DIS3L2: variants seen among roughly 807,000 people sequenced by gnomAD.
DIS3L2 encodes DIS3-like exonuclease 2.
A neutral mutation model predicts 97.5 loss-of-function variants in DIS3L2; 34 were observed. The observed-to-expected ratio is 0.35, with a 90% CI of 0.27 to 0.46. The LOEUF (loss-of-function observed/expected upper bound fraction) is 0.46. DIS3L2 is among the 20% of genes least tolerant of loss of function. DIS3L2 has a pLI of 1.00. For missense variants in DIS3L2, 1,038 were observed against 1,146.0 expected (o/e 0.91, Z 1.36); for synonymous variants, 435 against 445.2 (o/e 0.98, Z 0.29).
rs1267339964 is a variant in DIS3L2, at chr2:232,323,644, AT to A, written c.1740-6167del. 2.6e-5 allele frequency among the ~76,000 whole-genome samples: 4 copies of A among 152,050 alleles called. No individual in the cohort carries two copies. In the East Asian group the frequency reaches 7.7e-4, roughly 29 times the overall value. On this transcript the variant is annotated intron_variant, in intron 14 of 20. Transcript: ENST00000325385. Reference sequence around the variant, plus strand: ...TTTCCATGCCTGTGAACTGGGCCCCATTCATTTCTCTGTGGTTTCATGGGAA... The same window carrying A: ...TTTCCATGCCTGTGAACTGGGCCCCATCATTTCTCTGTGGTTTCATGGGAA...
At chr2:232,270,527 G>A (rs1046910854) in intron 13 of DIS3L2, among the ~76,000 whole-genome samples, 2 of 151,922 alleles carry the variant, frequency 1.3e-5, no homozygotes, top group African/African-American at 4.8e-5. Context: ...TAAACATTCA[G>A]CCACTCCCCA....
chr2:232,000,310 A>G (rs1362573097), intron 1 of DIS3L2, among the ~76,000 whole-genome samples: 1 of 152,182 alleles, frequency 6.6e-6, no homozygotes. Flanking sequence ...ATGACTGTAT[A>G]CAATATATTG....
chr2:232,256,442 CT>C (rs1323685224), intron 12 of DIS3L2, among the ~76,000 whole-genome samples: 2 of 152,242 alleles, frequency 1.3e-5, no homozygotes, highest in Non-Finnish European at 2.9e-5. Context: ...CTTTTCCTCC[CT>C]GCTTAACTCA....
chr2:232,310,859 T>C (rs1695108226), intron 14 of DIS3L2, among the ~76,000 whole-genome samples: 1 of 152,216 alleles, frequency 6.6e-6, no homozygotes, highest in Non-Finnish European at 1.5e-5. Context: ...CTGCCTCCTG[T>C]ATTGCTTCCA....
At chr2:232,148,487 A>G (rs1449353992) in intron 8 of DIS3L2, among the ~76,000 whole-genome samples, 1 of 152,214 alleles carries the variant, frequency 6.6e-6, no homozygotes. Flanking sequence ...TCCGTAATAA[A>G]TTTATTTAAA....
chr2:232,320,911 C>A (rs979249376), intron 14 of DIS3L2, among the ~76,000 whole-genome samples: 7 of 152,170 alleles, frequency 4.6e-5, no homozygotes, highest in Admixed American at 2.0e-4. Context: ...TCTGGATTCA[C>A]TGTTGAGATG....
chr2:232,295,665 C>G (rs1370371046), intron 13 of DIS3L2, among the ~76,000 whole-genome samples: 2 of 152,244 alleles, frequency 1.3e-5, no homozygotes, highest in African/African-American at 2.4e-5. Flanking sequence ...CTTGCCTCTT[C>G]CCTAGCACTG....
Position 232,176,208 on chromosome 2 carries a change from CT to C in DIS3L2, c.1124+12580del, listed in dbSNP as rs576170259. On this transcript the variant is annotated intron_variant, in intron 9 of 20. Transcript: ENST00000325385. ...ACCCGGCTTCTTCCTAGAACTTTGT[CT>C]TTTGCATCTTGGTTATCTAATTTCT... is the stretch of plus-strand genomic sequence containing the variant. Among the ~76,000 whole-genome samples the C allele has an allele frequency of 1.1e-3, 162 of 152,308 alleles. 2 individuals are homozygous for C. The highest frequency in any genetic ancestry group is 1.7e-3 in the Non-Finnish European group (118 of 68,018).
chr2:232,088,504 G>T (rs1175570740), intron 6 of DIS3L2, among the ~76,000 whole-genome samples: 1 of 151,536 alleles, frequency 6.6e-6, no homozygotes, highest in African/African-American at 2.4e-5. Flanking sequence ...GGAGCTTGCG[G>T]TGAGCCTAGA....
At chr2:231,997,154 A>G (rs1011876693) in intron 1 of DIS3L2, among the ~76,000 whole-genome samples, 2 of 152,260 alleles carry the variant, frequency 1.3e-5, no homozygotes, top group African/African-American at 4.8e-5. Flanking sequence ...TTTAGAAACA[A>G]GTCAGCTATT....
intron 5 of DIS3L2, among the ~76,000 whole-genome samples, chr2:232,084,898 G>A (rs373700785): frequency 4.4e-5 from 2 of 45,702 alleles, no homozygotes; most frequent in Admixed American, 4.7e-4. Flanking sequence ...TATTCTGATC[G>A]TTCTTTGTAA....
Position 232,281,993 on chromosome 2 carries a change from C to T in DIS3L2, c.1660-18047C>T, listed in dbSNP as rs929665977. 6.6e-6 allele frequency among the ~76,000 whole-genome samples: 1 copy of T among 151,960 alleles called. No individual in the cohort carries two copies. Among genetic ancestry groups the T allele is most frequent in the Non-Finnish European group, 1.5e-5 (1 of 67,978 alleles). ...AGCACACAGGCACTTAGGAGCAGCA[C>T]GTGGCACCCATGAAAGCCTCCATCC... On this transcript the variant is annotated intron_variant, in intron 13 of 20. Coordinates refer to ENST00000325385, the MANE Select transcript of DIS3L2 (RefSeq NM_152383.5). The surrounding 1 kb of genome is among the most constrained non-coding windows in gnomAD (Gnocchi z 4.1).
chr2:232,258,124 C>T (rs1353229398), intron 12 of DIS3L2, among the ~76,000 whole-genome samples: 4 of 152,234 alleles, frequency 2.6e-5, no homozygotes, highest in Non-Finnish European at 5.9e-5. Context: ...AATTACAGTG[C>T]TGTAGTACAT....
intron 5 of DIS3L2, among the ~76,000 whole-genome samples, chr2:232,033,385 G>A (rs1694863658): frequency 6.6e-6 from 1 of 152,172 alleles, no homozygotes; most frequent in African/African-American, 2.4e-5. Flanking sequence ...AGACATTGGG[G>A]TTTTCTAAAT....
At chr2:232,066,880 A>G (rs551910046) in intron 5 of DIS3L2, among the ~76,000 whole-genome samples, 2 of 152,012 alleles carry the variant, frequency 1.3e-5, no homozygotes, top group African/African-American at 4.8e-5. Flanking sequence ...CATTTAGGGG[A>G]CTTATTCATT....
intron 10 of DIS3L2, among the ~76,000 whole-genome samples, chr2:232,235,428 C>T (rs1692907503): frequency 6.6e-6 from 1 of 152,176 alleles, no homozygotes. Flanking sequence ...AAAATATTTA[C>T]TTAGGGTTTC....
At chr2:232,006,643 A>G (rs890499401) in intron 1 of DIS3L2, among the ~76,000 whole-genome samples, 1 of 152,222 alleles carries the variant, frequency 6.6e-6, no homozygotes, top group Non-Finnish European at 1.5e-5. Flanking sequence ...TGGAGATGAA[A>G]ATTTAAAACT....
At chr2:232,163,712 A>G in intron 9 of DIS3L2, 80 bp downstream of exon 9, 1 of 1,451,520 alleles carries the variant, frequency 6.9e-7, no homozygotes. Flanking sequence ...AGATGTTTTC[A>G]TCTTTCCACG....
chr2:232,030,144 C>T, intron 5 of DIS3L2, 64 bp downstream of exon 5: 1 of 1,406,782 alleles, frequency 7.1e-7, no homozygotes, highest in South Asian at 1.2e-5. Flanking sequence ...CATGGTGCAC[C>T]AACAAGGCAT....
Sources: allele counts gnomAD v4.1 joint callset (sites outside exome capture counted in the v4.1 genomes callset), GRCh38; gene constraint gnomAD v4.1.1; non-coding constraint Gnocchi (gnomAD v3.1); transcripts MANE v1.5; gene names NCBI Gene and HGNC (gene_info 2026-07-23, HGNC 2026-07-21).